Variants in ARAP2 observed in about 807,000 individuals in gnomAD.
ARAP2 encodes the protein arf-GAP with Rho-GAP domain, ANK repeat and PH domain-containing protein 2.
In ARAP2, 148 loss-of-function variants were observed where a neutral mutation model predicts 194.5. That is an observed-to-expected ratio of 0.76 (90% CI 0.67 to 0.87). ARAP2 has a LOEUF of 0.87. Ranked by LOEUF, ARAP2 falls within the 40% of genes least tolerant of loss-of-function variation. The pLI is 0.00. For synonymous variants in ARAP2, 695 were observed against 683.5 expected (o/e 1.02, Z -0.26); for missense variants, 2,128 against 1,989.7 (o/e 1.07, Z -1.32).
intron 9 of ARAP2, among the ~76,000 whole-genome samples, chr4:36,176,273 G>A (rs1191110877): frequency 6.6e-6 from 1 of 152,098 alleles, no homozygotes; most frequent in Non-Finnish European, 1.5e-5. Context: ...TATTTGTGGT[G>A]AAGATTAAAA....
intron 1 of ARAP2, among the ~76,000 whole-genome samples, chr4:36,242,159 C>T (rs759710417): frequency 3.9e-5 from 6 of 152,266 alleles, no homozygotes; most frequent in Middle Eastern, 3.4e-3. Context: ...ATTAAGACAG[C>T]GTCTCATAGC....
intron 19 of ARAP2, among the ~76,000 whole-genome samples, chr4:36,134,185 C>T (rs758792151): frequency 1.4e-4 from 21 of 151,720 alleles, no homozygotes; most frequent in African/African-American, 4.6e-4. Context: ...ACTCAATAGA[C>T]GTAACATTAA....
chr4:36,116,361 G>A (rs1482049041), intron 25 of ARAP2, among the ~76,000 whole-genome samples: 1 of 151,854 alleles, frequency 6.6e-6, no homozygotes, highest in Admixed American at 6.6e-5. Flanking sequence ...AATGTCTACT[G>A]TTCATACAAA....
chr4:36,170,793 G>A (rs1467974736), intron 9 of ARAP2, among the ~76,000 whole-genome samples: 1 of 152,148 alleles, frequency 6.6e-6, no homozygotes, highest in East Asian at 1.9e-4. Context: ...AACAGTCCTG[G>A]CAAAGCAAAG....
At chr4:36,199,370 C>A (rs577268374) in intron 6 of ARAP2, among the ~76,000 whole-genome samples, 1 of 152,356 alleles carries the variant, frequency 6.6e-6, no homozygotes, top group East Asian at 1.9e-4. Flanking sequence ...CTGCTCACTG[C>A]AACCTCCACC....
At chr4:36,021,227 T>G (rs1427429137) in intron 5 of ARAP2, among the ~76,000 whole-genome samples, 2 of 152,200 alleles carry the variant, frequency 1.3e-5, no homozygotes, top group Non-Finnish European at 2.9e-5. Flanking sequence ...TTTTTGTTTT[T>G]CAATCAAGTG....
Position 36,133,350 on chromosome 4 carries a change from T to G in ARAP2, c.3303A>C (p.Thr1101=). The change falls in exon 20 of 33, where the codon ACA becomes ACC. Residue 1101 remains threonine (T), a synonymous_variant. Coordinates refer to ENST00000303965, the MANE Select transcript of ARAP2 (RefSeq NM_015230.4). The part of the protein sequence containing the change: ...YIHGHTKLDF[T]VWHTAIEKAA... ...CTTTTTCAATTGCAGTATGCCAGAC[T>G]GTGAAATCCAACTTGGTATGCCCAT... 6.2e-7 allele frequency: 1 copy of G among 1,611,140 alleles called. No homozygotes were observed. The highest frequency in any genetic ancestry group is 8.5e-7 in the Non-Finnish European group (1 of 1,178,110).
At chr4:36,148,796 G>A (rs868517397) in intron 16 of ARAP2, among the ~76,000 whole-genome samples, 1 of 151,926 alleles carries the variant, frequency 6.6e-6, no homozygotes, top group Non-Finnish European at 1.5e-5. Context: ...GGCTCTCCTT[G>A]GTCTCCTCTT....
At chr4:36,210,833 C>T (rs1746595230) in intron 5 of ARAP2, 90 bp from the exon 6 acceptor site, 15 of 982,286 alleles carry the variant, frequency 1.5e-5, no homozygotes, top group Non-Finnish European at 2.2e-5. Flanking sequence ...TAACTAATAA[C>T]AGAAACATAA....
rs550859001 is a variant in ARAP2 at position 36,209,293 on chromosome 4, T to A, written c.1487+1097A>T. On this transcript the variant is annotated intron_variant, in intron 6 of 32. Coordinates refer to ENST00000303965, the MANE Select transcript of ARAP2 (RefSeq NM_015230.4). ...CGACATCTGAATATGCACTTACCAA[T>A]AATACTTAGGACTAAAAAGAACAAG... 13 of 419,300 alleles carry A rather than the reference T, an allele frequency of 3.1e-5. No homozygotes were observed. The East Asian group carries it at 7.4e-4, about 24-fold the overall frequency. 26.0% of individuals were successfully genotyped at this position (419,300 alleles called of 1,614,324 possible).
At chr4:36,034,356 C>T (rs1719539812) in intron 5 of ARAP2, among the ~76,000 whole-genome samples, 1 of 152,072 alleles carries the variant, frequency 6.6e-6, no homozygotes, top group African/African-American at 2.4e-5. Flanking sequence ...AGAGATCTCC[C>T]ACTTCCTTGG....
At chr4:36,141,182 C>A (rs1343156402) in intron 19 of ARAP2, among the ~76,000 whole-genome samples, 1 of 151,580 alleles carries the variant, frequency 6.6e-6, no homozygotes, top group Non-Finnish European at 1.5e-5. Context: ...CAGGAAAATG[C>A]CTTCTGCCTT....
chr4:36,011,456 C>T (rs1045078764), intron 9 of ARAP2, among the ~76,000 whole-genome samples: 2 of 152,162 alleles, frequency 1.3e-5, no homozygotes, highest in African/African-American at 4.8e-5. Flanking sequence ...GTAAATTCTA[C>T]AGTAGACAAA....
chr4:36,244,559 C>G (rs572192865), upstream of ARAP2: 1 of 151,654 alleles, frequency 6.6e-6, no homozygotes. Context: ...CGGGGGAAGC[C>G]GGAGCTCAAC....
chr4:36,131,170 A>G (rs1039013202), intron 20 of ARAP2, among the ~76,000 whole-genome samples: 6 of 151,598 alleles, frequency 4.0e-5, no homozygotes, highest in African/African-American at 1.5e-4. Flanking sequence ...TTTCTGTCAA[A>G]TCTTTCTTCT....
At chr4:36,078,792 G>T (rs1728818000) in intron 31 of ARAP2, among the ~76,000 whole-genome samples, 1 of 152,112 alleles carries the variant, frequency 6.6e-6, no homozygotes, top group Non-Finnish European at 1.5e-5. Context: ...GTTTAGTTGT[G>T]CCACAAATGA....
intron 2 of ARAP2, among the ~76,000 whole-genome samples, chr4:36,216,250 T>C (rs2109294980): frequency 6.6e-6 from 1 of 152,182 alleles, no homozygotes; most frequent in Non-Finnish European, 1.5e-5. Flanking sequence ...AACAAGACCC[T>C]GTCTCAAAAA....
In ARAP2 at chr4:36,214,496, A is replaced by C; in HGVS notation, c.906-16T>G. 1 of 1,570,498 alleles carries C rather than the reference A, an allele frequency of 6.4e-7. No individual in the cohort carries two copies. On this transcript the variant is annotated splice_polypyrimidine_tract_variant and intron_variant, in intron 2 of 32. Coordinates refer to ENST00000303965, the MANE Select transcript of ARAP2 (RefSeq NM_015230.4). ...ACGGAAATAGCTTAAAAAGCAAAGG[A>C]GAAAATACTTATGAGTGAAAATATT...
chr4:36,051,513 T>C (rs549975146), intron 3 of ARAP2, among the ~76,000 whole-genome samples: 30 of 151,862 alleles, frequency 2.0e-4, no homozygotes, highest in Non-Finnish European at 4.0e-4. Flanking sequence ...ACAATAATAA[T>C]AATAAATAAA....
Sources: allele counts gnomAD v4.1 joint callset (sites outside exome capture counted in the v4.1 genomes callset), GRCh38; gene constraint gnomAD v4.1.1; transcripts MANE v1.5; gene names NCBI Gene and HGNC (gene_info 2026-07-23, HGNC 2026-07-21).